Variants in SLC41A2 observed in about 807,000 individuals in gnomAD.
The protein encoded by SLC41A2 is solute carrier family 41 member 2.
SLC41A2 carries 32 observed loss-of-function variants against 58.3 expected under a neutral mutation model. The observed-to-expected ratio is 0.55, with a 90% CI of 0.41 to 0.74. The LOEUF (loss-of-function observed/expected upper bound fraction) is 0.74. Ranked by LOEUF, SLC41A2 falls within the 30% of genes least tolerant of loss-of-function variation. SLC41A2 has a pLI of 0.00. For synonymous variants in SLC41A2, 190 were observed against 235.0 expected (o/e 0.81, Z 1.75); for missense variants, 514 against 680.6 (o/e 0.76, Z 2.72).
chr12:104,805,071 T>C lies in SLC41A2; in HGVS notation c.*81A>G. 4 of 1,238,784 alleles carry C rather than the reference T, an allele frequency of 3.2e-6. No homozygotes were observed. The highest frequency in any genetic ancestry group is 2.5e-5 in the East Asian group (1 of 40,048). 76.7% of individuals were successfully genotyped at this position (1,238,784 alleles called of 1,614,324 possible). A position where few individuals can be genotyped will look rare whatever the true frequency, so the allele number is the denominator to read the frequency against. On this transcript the variant is annotated 3_prime_UTR_variant, in exon 11 of 11. Transcript: ENST00000258538. ...ACCCTGGCAAAAGTCAAACTACTGA[T>C]TTAAGAGTTTTGAAAAAGAGCCATA...
chr12:104,892,819 C>A (rs573710866), intron 4 of SLC41A2, among the ~76,000 whole-genome samples: 2 of 152,182 alleles, frequency 1.3e-5, no homozygotes, highest in African/African-American at 4.8e-5. Context: ...AGAAATGAGA[C>A]CCCTATCTCT....
rs541990646 is a variant in SLC41A2, at chr12:104,919,999, C to T, written c.555+7974G>A. Among the ~76,000 whole-genome samples the T allele has an allele frequency of 5.3e-5, 8 of 152,230 alleles. No individual in the cohort carries two copies. The East Asian group carries it at 1.5e-3, about 29-fold the overall frequency. ...ATTGAGTTAATTTTTCTATAAAGCACGAGACTCAGGTCAAATTTATTTGTT... is the reference window on the plus strand; with the variant it reads ...ATTGAGTTAATTTTTCTATAAAGCATGAGACTCAGGTCAAATTTATTTGTT... On this transcript the variant is annotated intron_variant, in intron 2 of 10. Coordinates refer to ENST00000258538, the MANE Select transcript of SLC41A2 (RefSeq NM_001352171.3).
intron 10 of SLC41A2, among the ~76,000 whole-genome samples, chr12:104,808,231 G>T (rs376611102): frequency 9.4e-4 from 143 of 152,234 alleles, no homozygotes; most frequent in Non-Finnish European, 1.5e-3. Context: ...ATTATTTTGA[G>T]ATATGTCCCA....
chr12:104,924,052 C>T (rs1389257283), intron 2 of SLC41A2, among the ~76,000 whole-genome samples: 1 of 152,136 alleles, frequency 6.6e-6, no homozygotes. Context: ...CTAAATGGCT[C>T]ATATCCAAAA....
At chr12:104,936,049 A>T (rs1408837350) in intron 1 of SLC41A2, among the ~76,000 whole-genome samples, 1 of 151,708 alleles carries the variant, frequency 6.6e-6, no homozygotes, top group African/African-American at 2.4e-5. Context: ...TTAAAAAAAA[A>T]AAAAAATTCC....
intron 1 of SLC41A2, among the ~76,000 whole-genome samples, chr12:104,953,626 A>T (rs771052266): frequency 1.3e-5 from 2 of 152,174 alleles, no homozygotes; most frequent in Non-Finnish European, 1.5e-5. Flanking sequence ...TTTCCCTTCC[A>T]TTTCCTGGTG....
chr12:104,894,171 T>C (rs575015519), intron 4 of SLC41A2, among the ~76,000 whole-genome samples: 2 of 152,000 alleles, frequency 1.3e-5, no homozygotes, highest in African/African-American at 2.4e-5. Flanking sequence ...CTGGACTACA[T>C]GGCGAAACCC....
chr12:104,845,129 A>C (rs986163286), intron 9 of SLC41A2, among the ~76,000 whole-genome samples: 7 of 151,872 alleles, frequency 4.6e-5, no homozygotes. Context: ...ACAAAAAATA[A>C]AGATAAAAAA....
intron 2 of SLC41A2, among the ~76,000 whole-genome samples, chr12:104,921,939 C>T (rs2046615960): frequency 6.6e-6 from 1 of 152,020 alleles, no homozygotes; most frequent in Non-Finnish European, 1.5e-5. Flanking sequence ...TCTTTGTGAT[C>T]TAAGATAAGT....
chr12:104,911,236 CA>C (rs1307319570), intron 2 of SLC41A2, among the ~76,000 whole-genome samples: 1 of 152,088 alleles, frequency 6.6e-6, no homozygotes, highest in Non-Finnish European at 1.5e-5. Context: ...TTCTGTCCCC[CA>C]AAAAATGTAC....
chr12:104,889,530 G>T (rs540697449), intron 4 of SLC41A2, among the ~76,000 whole-genome samples: 14 of 152,318 alleles, frequency 9.2e-5, no homozygotes, highest in African/African-American at 3.1e-4. Flanking sequence ...TAGAGGTAGT[G>T]CTGGCAAGAG....
At position 104,802,049 on chromosome 12, in the gene SLC41A2, C is replaced by A. The variant is rs908720887; in HGVS notation, c.*3103G>T. Among the ~76,000 whole-genome samples, 2 of 152,076 alleles carry A rather than the reference C, an allele frequency of 1.3e-5. No homozygotes were observed. The highest frequency in any genetic ancestry group is 2.9e-5 in the Non-Finnish European group (2 of 68,018). Reference sequence around the variant, plus strand: ...GATATAAGGCAAGGAATCCCAATTACTGATTTTTTTGAATGGCCTTTATTT... The same window carrying A: ...GATATAAGGCAAGGAATCCCAATTAATGATTTTTTTGAATGGCCTTTATTT... On this transcript the variant is annotated 3_prime_UTR_variant, in exon 11 of 11. Transcript: ENST00000258538.
At chr12:104,927,663 T>C (rs937481996) in intron 2 of SLC41A2, among the ~76,000 whole-genome samples, 1 of 152,170 alleles carries the variant, frequency 6.6e-6, no homozygotes, top group Admixed American at 6.5e-5. Context: ...TTAATTTTTA[T>C]TTTAAAAGTA....
In SLC41A2 at chr12:104,895,087, C is replaced by T. The variant is rs908889488; in HGVS notation, c.735+187G>A. Among the ~76,000 whole-genome samples, 15 of 152,138 alleles carry T rather than the reference C, an allele frequency of 9.9e-5. 1 individual carries two copies. The South Asian group carries it at 2.1e-3, about 21-fold the overall frequency. On this transcript the variant is annotated intron_variant, in intron 4 of 10. Transcript: ENST00000258538. ...TTTGTAAAAACTAGTTTCTAAACAA[C>T]GAATAGTTTCAGAGCTCATAGGTAT...
rs28421702 is a variant in SLC41A2 at position 104,946,706 on chromosome 12, T to C, written c.-168+11382A>G. On this transcript the variant is annotated intron_variant, in intron 1 of 10. Coordinates refer to ENST00000258538, the MANE Select transcript of SLC41A2 (RefSeq NM_001352171.3). ...TACTGAGATGTTTGCAATGCTTTCA[T>C]TCAATGAAAGATGACTTGTATTGAG... 3.3e-3 allele frequency among the ~76,000 whole-genome samples: 502 copies of C among 152,392 alleles called. 5 individuals carry two copies. Among genetic ancestry groups the C allele is most frequent in the African/African-American group, 0.012 (480 of 41,594 alleles).
chr12:104,826,347 G>A (rs2041843904), intron 10 of SLC41A2, among the ~76,000 whole-genome samples: 1 of 152,184 alleles, frequency 6.6e-6, no homozygotes, highest in Admixed American at 6.5e-5. Context: ...TAGATGCGAG[G>A]ACAGATGGTC....
At chr12:104,904,531 G>A (rs2135749224) in intron 3 of SLC41A2, among the ~76,000 whole-genome samples, 1 of 152,262 alleles carries the variant, frequency 6.6e-6, no homozygotes, top group South Asian at 2.1e-4. Context: ...GTAAGACTGT[G>A]TCTGGAATTG....
chr12:104,933,068 C>CA (rs1473957060), intron 1 of SLC41A2, among the ~76,000 whole-genome samples: 8 of 151,534 alleles, frequency 5.3e-5, no homozygotes, highest in East Asian at 1.9e-4. Flanking sequence ...TCTGCAGAGC[C>CA]AAAAAAACAA....
At chr12:104,905,299 C>G (rs1291461601) in intron 3 of SLC41A2, among the ~76,000 whole-genome samples, 1 of 152,152 alleles carries the variant, frequency 6.6e-6, no homozygotes, top group Non-Finnish European at 1.5e-5. Context: ...TTCTCCACGT[C>G]CTCACCAGAG....
Sources: allele counts gnomAD v4.1 joint callset (sites outside exome capture counted in the v4.1 genomes callset), GRCh38; gene constraint gnomAD v4.1.1; transcripts MANE v1.5; gene names NCBI Gene and HGNC (gene_info 2026-07-23, HGNC 2026-07-21).